The following DDX31 variants were observed in gnomAD, a reference collection of about 807,000 sequenced individuals.
The protein encoded by DDX31 is DEAD-box helicase 31.
DDX31 carries 70 observed loss-of-function variants against 91.3 expected under a neutral mutation model. The ratio of observed to expected loss-of-function variants is 0.77; its 90% confidence interval spans 0.63 to 0.94. The LOEUF is 0.94. DDX31 is among the 40% of genes least tolerant of loss of function. The pLI is 0.00. For missense variants in DDX31, 902 were observed against 925.0 expected (o/e 0.98, Z 0.32); for synonymous variants, 362 against 350.6 (o/e 1.03, Z -0.36).
intron 17 of DDX31, among the ~76,000 whole-genome samples, chr9:132,619,503 C>T (rs1033797425): frequency 6.6e-6 from 1 of 152,178 alleles, no homozygotes; most frequent in African/African-American, 2.4e-5. Flanking sequence ...CTCTCTTTCA[C>T]CTTTAAGGCT....
At chr9:132,598,344 G>A (rs1219083722) in intron 19 of DDX31, among the ~76,000 whole-genome samples, 1 of 152,120 alleles carries the variant, frequency 6.6e-6, no homozygotes, top group Non-Finnish European at 1.5e-5. Context: ...CAACTTTCTC[G>A]CCCTCCTTGC....
At position 132,636,167 on chromosome 9, in the gene DDX31, A is replaced by G. The variant is rs1368585508; in HGVS notation, c.1441-4076T>C. ...TGTGTAAGCAGAAGTTAAATGCACTAAAAGTGTGTCAACCACCCACAAAGT... is the reference window on the plus strand; with the variant it reads ...TGTGTAAGCAGAAGTTAAATGCACTGAAAGTGTGTCAACCACCCACAAAGT... On this transcript the variant is annotated intron_variant, in intron 14 of 19. Transcript: ENST00000372159. 3.9e-5 allele frequency among the ~76,000 whole-genome samples: 6 copies of G among 152,182 alleles called. No individual in the cohort carries two copies. In the East Asian group the frequency reaches 1.2e-3, roughly 29 times the overall value.
intron 16 of DDX31, among the ~76,000 whole-genome samples, chr9:132,627,040 G>T (rs1258971768): frequency 6.6e-6 from 1 of 152,120 alleles, no homozygotes; most frequent in Non-Finnish European, 1.5e-5. Flanking sequence ...CCCGAGGGAA[G>T]GTGAAAACAG....
chr9:132,645,584 C>T (rs533096714), intron 13 of DDX31, among the ~76,000 whole-genome samples: 1 of 152,248 alleles, frequency 6.6e-6, no homozygotes, highest in East Asian at 1.9e-4. Flanking sequence ...TACTCTGTTG[C>T]CTTAACAGCT....
chr9:132,641,939 C>G (rs186606605), intron 14 of DDX31, 65 bp downstream of exon 14: 1 of 1,535,220 alleles, frequency 6.5e-7, no homozygotes, highest in East Asian at 2.2e-5. Context: ...TGTCAAGAGA[C>G]GAAAGATTAC....
chr9:132,599,614 C>T lies in DDX31; in HGVS notation c.1995-4502G>A, dbSNP rs113258874. Among the ~76,000 whole-genome samples, 153 of 152,266 alleles carry T rather than the reference C, an allele frequency of 1.0e-3. 1 individual carries two copies. The South Asian group carries it at 0.016, about 16-fold the overall frequency. ...ACAAAAGCAAATGGTAGAATTTTGT[C>T]CTATAGTGAAATGCCAGAGTATTTT... On this transcript the variant is annotated intron_variant, in intron 19 of 19. Coordinates refer to ENST00000372159, the MANE Select transcript of DDX31 (RefSeq NM_022779.9).
intron 6 of DDX31, among the ~76,000 whole-genome samples, chr9:132,656,354 C>T (rs761759962): frequency 6.6e-6 from 1 of 152,304 alleles, no homozygotes; most frequent in South Asian, 2.1e-4. Flanking sequence ...AATAGAATGA[C>T]CGACCTGTTC....
At chr9:132,663,377 T>C in intron 1 of DDX31, 5 of 985,428 alleles carry the variant, frequency 5.1e-6, no homozygotes, top group Non-Finnish European at 6.0e-6. Context: ...CCTACCTCCC[T>C]TGCCTTTCGA....
At chr9:132,648,379 G>C in intron 10 of DDX31, 53 bp downstream of exon 10, 1 of 1,606,770 alleles carries the variant, frequency 6.2e-7, no homozygotes, top group Non-Finnish European at 8.5e-7. Context: ...GCAACAAGGA[G>C]AGGAGAAACA....
chr9:132,648,214 G>A lies in DDX31; in HGVS notation c.942C>T (p.Val314=). 1 of 1,613,864 alleles carries A rather than the reference G, an allele frequency of 6.2e-7. No individual in the cohort carries two copies. Among genetic ancestry groups the A allele is most frequent in the Non-Finnish European group, 8.5e-7 (1 of 1,179,948 alleles). ...CTTCTGTGAGTGTCGCTGATAGCAA[G>A]ACATTCTGTCGTTTTTGGCATTCAG... ...VNAECQKRQN[V]LLSATLTEGV... The change falls in exon 11 of 20, where the codon GTC becomes GTT. Residue 314 remains valine, a synonymous_variant. Coordinates refer to ENST00000372159, the MANE Select transcript of DDX31 (RefSeq NM_022779.9).
At chr9:132,656,152 G>GT (rs1834549003) in intron 6 of DDX31, among the ~76,000 whole-genome samples, 1 of 152,100 alleles carries the variant, frequency 6.6e-6, no homozygotes. Context: ...CAGAAAAGCA[G>GT]TCCGTTCTCA....
intron 15 of DDX31, among the ~76,000 whole-genome samples, chr9:132,631,817 C>T (rs903797644): frequency 3.9e-5 from 6 of 152,266 alleles, no homozygotes; most frequent in East Asian, 3.9e-4. Flanking sequence ...GAGCCTGCCA[C>T]CTCCCTCTCG....
At chr9:132,657,635 C>T (rs1412966278) in intron 6 of DDX31, among the ~76,000 whole-genome samples, 3 of 152,220 alleles carry the variant, frequency 2.0e-5, no homozygotes, top group Non-Finnish European at 4.4e-5. Flanking sequence ...GCTAATTCTG[C>T]ATATCCAAAC....
chr9:132,605,308 A>G (rs1830951942), intron 19 of DDX31, among the ~76,000 whole-genome samples: 1 of 152,152 alleles, frequency 6.6e-6, no homozygotes. Context: ...GAGCATCTCA[A>G]ATCTGAAAAC....
At chr9:132,644,316 C>T (rs953153815) in intron 13 of DDX31, among the ~76,000 whole-genome samples, 8 of 152,120 alleles carry the variant, frequency 5.3e-5, no homozygotes, top group Non-Finnish European at 8.8e-5. Flanking sequence ...GTAATAAAGG[C>T]ACTTTAACAT....
chr9:132,603,508 A>G (rs565272221), intron 19 of DDX31, among the ~76,000 whole-genome samples: 1 of 152,248 alleles, frequency 6.6e-6, no homozygotes, highest in African/African-American at 2.4e-5. Flanking sequence ...GGGGTTTGGG[A>G]TGACTAAAAC....
intron 19 of DDX31, among the ~76,000 whole-genome samples, chr9:132,609,779 GC>G (rs781087595): frequency 6.6e-6 from 1 of 152,020 alleles, no homozygotes; most frequent in Non-Finnish European, 1.5e-5. Context: ...CTGTCACCAC[GC>G]CTGGCTGATT....
intron 5 of DDX31, among the ~76,000 whole-genome samples, 165 bp from the exon 6 acceptor site, chr9:132,658,900 CCT>C (rs1433460303): frequency 6.6e-6 from 1 of 152,162 alleles, no homozygotes; most frequent in Non-Finnish European, 1.5e-5. Context: ...AGGGACTTCC[CCT>C]GTCTGCCACA....
rs1184938360 is a variant in DDX31, at chr9:132,630,394, G to A, written c.1501C>T (p.Pro501Ser). Reference sequence around the variant, plus strand: ...TGGATGTATTCTGCAGGTGAAGATGGAGCGTTGTACTAAAAAGGGTAACAA... The same window carrying A: ...TGGATGTATTCTGCAGGTGAAGATGAAGCGTTGTACTAAAAAGGGTAACAA... ...QVTWIVQYNA[P>S]SSPAEYIHRI... The change falls in exon 16 of 20, where the codon CCA becomes TCA. Residue 501 changes from proline (P) to serine (S), a missense_variant. Transcript: ENST00000372159. 3 of 1,592,138 alleles carry A rather than the reference G, an allele frequency of 1.9e-6. No homozygotes were observed. Among genetic ancestry groups the A allele is most frequent in the Non-Finnish European group, 2.6e-6 (3 of 1,162,624 alleles).
Sources: gnomAD v4.1 joint callset for allele counts (sites outside exome capture counted in the v4.1 genomes callset) on GRCh38, gnomAD v4.1.1 for gene constraint, MANE v1.5 for transcripts, NCBI Gene and HGNC (gene_info 2026-07-23, HGNC 2026-07-21) for gene names.